Variants in RPS6KA2 observed in about 807,000 individuals in gnomAD.
The protein encoded by RPS6KA2 is ribosomal protein S6 kinase alpha-2.
Under a neutral mutation model 91.8 loss-of-function variants are expected in RPS6KA2, and 42 were observed. The ratio of observed to expected loss-of-function variants is 0.46; its 90% confidence interval spans 0.36 to 0.59. RPS6KA2 has a LOEUF of 0.59. RPS6KA2 is among the 20% of genes least tolerant of loss of function. The pLI, the probability that RPS6KA2 is intolerant of heterozygous loss-of-function variation, is 0.00. For synonymous variants in RPS6KA2, 414 were observed against 393.6 expected (o/e 1.05, Z -0.61); for missense variants, 798 against 978.5 (o/e 0.82, Z 2.46).
In RPS6KA2 at chr6:166,530,248, G is replaced by T. The variant is rs188536953; in HGVS notation, c.298+984C>A. 9.2e-4 allele frequency among the ~76,000 whole-genome samples: 140 copies of T among 152,298 alleles called. 1 individual carries two copies. Among genetic ancestry groups the T allele is most frequent in the African/African-American group, 3.3e-3 (136 of 41,572 alleles). ...GCATGAGCTCCCTGCTCTGCCAAGT[G>T]TGCCCCCCTCCCAGAGAGAAAGTCT... On this transcript the variant is annotated intron_variant, in intron 3 of 20. Coordinates refer to ENST00000265678, the MANE Select transcript of RPS6KA2 (RefSeq NM_021135.6).
chr6:166,413,101 C>G (rs76700421), intron 20 of RPS6KA2, among the ~76,000 whole-genome samples: 1 of 151,790 alleles, frequency 6.6e-6, no homozygotes, highest in East Asian at 1.9e-4. Context: ...CTGCACCTGC[C>G]CCCCCCACCC....
intron 2 of RPS6KA2, among the ~76,000 whole-genome samples, chr6:166,762,502 T>C (rs1778204715): frequency 6.6e-6 from 1 of 152,088 alleles, no homozygotes; most frequent in South Asian, 2.1e-4. Context: ...TGTTCTTAAG[T>C]GAAAGTATCT....
At chr6:166,725,944 G>A (rs1257626593) in intron 2 of RPS6KA2, among the ~76,000 whole-genome samples, 1 of 152,156 alleles carries the variant, frequency 6.6e-6, no homozygotes, top group African/African-American at 2.4e-5. Flanking sequence ...AGCTTTTGGG[G>A]AACCGACAGA....
intron 2 of RPS6KA2, among the ~76,000 whole-genome samples, chr6:166,670,155 G>A (rs55714310): frequency 0.024 from 3,623 of 152,356 alleles, 80 homozygotes; most frequent in Middle Eastern, 0.051. Flanking sequence ...CAGGTGCTGC[G>A]TTCAGGGTGC....
intron 2 of RPS6KA2, among the ~76,000 whole-genome samples, chr6:166,830,626 C>A (rs575968770): frequency 6.6e-6 from 1 of 152,214 alleles, no homozygotes; most frequent in Admixed American, 6.5e-5. Flanking sequence ...CAATTTCCTA[C>A]GAGGCAAGGG....
intron 2 of RPS6KA2, among the ~76,000 whole-genome samples, chr6:166,794,770 C>A (rs564124893): frequency 3.0e-4 from 46 of 150,820 alleles, no homozygotes; most frequent in Middle Eastern, 3.4e-3. Context: ...AAACCAAACA[C>A]CACATGTTGT....
At chr6:166,431,393 C>T (rs1779127393) in intron 15 of RPS6KA2, among the ~76,000 whole-genome samples, 1 of 152,118 alleles carries the variant, frequency 6.6e-6, no homozygotes, top group South Asian at 2.1e-4. Context: ...GGGGCCTGGC[C>T]CTCCGCATTT....
intron 2 of RPS6KA2, among the ~76,000 whole-genome samples, chr6:166,751,847 C>T (rs1389859248): frequency 6.6e-6 from 1 of 151,540 alleles, no homozygotes; most frequent in African/African-American, 2.4e-5. Context: ...AAGGTCAGGC[C>T]CTGTGGACCA....
chr6:166,497,875 C>T (rs972825359), intron 8 of RPS6KA2, among the ~76,000 whole-genome samples: 3 of 152,176 alleles, frequency 2.0e-5, no homozygotes, highest in African/African-American at 4.8e-5. Flanking sequence ...TGAAATGCCA[C>T]GACCCGATTG....
Position 166,833,553 on chromosome 6 carries a change from GT to G in RPS6KA2, c.123+24646del, listed in dbSNP as rs530151316. On this transcript the variant is annotated intron_variant, in intron 2 of 21. Transcript: ENST00000503859. The stretch of plus-strand genomic sequence containing the variant: ...ACGCTTCCCTCATGTCCCTTTGTCA[GT>G]TTCCTCCGGCAGCCCACACATCCTG... 2.6e-5 allele frequency among the ~76,000 whole-genome samples: 4 copies of G among 152,292 alleles called. No homozygotes were observed. In the South Asian group the frequency reaches 8.3e-4, roughly 32 times the overall value.
chr6:166,540,911 A>G (rs778040091), intron 1 of RPS6KA2, among the ~76,000 whole-genome samples: 3 of 152,262 alleles, frequency 2.0e-5, no homozygotes, highest in Non-Finnish European at 4.4e-5. Flanking sequence ...CATCATGGAA[A>G]CATGTATGCT....
intron 2 of RPS6KA2, among the ~76,000 whole-genome samples, chr6:166,660,329 TGTGTGTGTGTGCGGGTTGGTGTGTGC>T (rs1208291240): frequency 6.6e-6 from 1 of 150,816 alleles, no homozygotes; most frequent in Non-Finnish European, 1.5e-5. Flanking sequence ...TGTGTGTGCA[TGTGTGTGTGTGCGGGTTGGTGTGTGC>T]GTGCGTGTGT....
At chr6:166,829,601 A>C (rs1224351477) in intron 2 of RPS6KA2, among the ~76,000 whole-genome samples, 2 of 134,524 alleles carry the variant, frequency 1.5e-5, no homozygotes, top group East Asian at 5.3e-4. Flanking sequence ...AAAAAAAAAA[A>C]AAAAAAAAAA....
At chr6:166,689,318 A>G (rs900465703) in intron 2 of RPS6KA2, among the ~76,000 whole-genome samples, 1 of 152,254 alleles carries the variant, frequency 6.6e-6, no homozygotes, top group Non-Finnish European at 1.5e-5. Context: ...TGAAGGTAGC[A>G]TCCCAAGGCA....
intron 2 of RPS6KA2, among the ~76,000 whole-genome samples, chr6:166,840,813 A>G (rs1420971524): frequency 6.6e-6 from 1 of 152,086 alleles, no homozygotes; most frequent in East Asian, 1.9e-4. Context: ...AATACAAAAA[A>G]TTAGCCAGGT....
At chr6:166,776,333 G>T (rs1474909629) in intron 2 of RPS6KA2, among the ~76,000 whole-genome samples, 1 of 152,222 alleles carries the variant, frequency 6.6e-6, no homozygotes, top group African/African-American at 2.4e-5. Flanking sequence ...GAGAGAGAAT[G>T]GAGTCCCCGC....
chr6:166,464,412 G>A (rs1162070527), intron 11 of RPS6KA2, among the ~76,000 whole-genome samples: 1 of 152,176 alleles, frequency 6.6e-6, no homozygotes, highest in Non-Finnish European at 1.5e-5. Context: ...TACTAGTATT[G>A]ATCATGAATA....
At chr6:166,657,751 A>G (rs1788044769) in intron 2 of RPS6KA2, among the ~76,000 whole-genome samples, 1 of 152,222 alleles carries the variant, frequency 6.6e-6, no homozygotes, top group African/African-American at 2.4e-5. Flanking sequence ...GTGCAGGCAG[A>G]TTTCGCTCAC....
upstream of RPS6KA2, among the ~76,000 whole-genome samples, chr6:166,629,699 T>C (rs906736038): frequency 6.6e-6 from 1 of 152,198 alleles, no homozygotes; most frequent in African/African-American, 2.4e-5. Flanking sequence ...GCCCAGATGA[T>C]GGAATGGGAG....
Sources: gnomAD v4.1 joint callset for allele counts (sites outside exome capture counted in the v4.1 genomes callset) on GRCh38, gnomAD v4.1.1 for gene constraint, MANE v1.5 for transcripts, NCBI Gene and HGNC (gene_info 2026-07-23, HGNC 2026-07-21) for gene names.